The following GRM1 variants were observed in gnomAD, a reference collection of about 807,000 sequenced individuals.
The protein encoded by GRM1 is metabotropic glutamate receptor 1.
GRM1 carries 33 observed loss-of-function variants against 90.9 expected under a neutral mutation model. The observed-to-expected ratio is 0.36, with a 90% confidence interval of 0.28 to 0.49. The LOEUF (loss-of-function observed/expected upper bound fraction) is 0.49, where lower values mean the gene tolerates loss of function less well. Ranked by LOEUF, GRM1 falls within the 20% of genes least tolerant of loss-of-function variation. The pLI, the probability that GRM1 is intolerant of heterozygous loss-of-function variation, is 0.99. For missense variants in GRM1, 1,190 were observed against 1,534.3 expected (o/e 0.78, Z 3.75); for synonymous variants, 700 against 613.2 (o/e 1.14, Z -2.09).
At chr6:146,394,195 T>C (rs757859512) in intron 6 of GRM1, among the ~76,000 whole-genome samples, 2 of 152,106 alleles carry the variant, frequency 1.3e-5, no homozygotes, top group Non-Finnish European at 2.9e-5. Context: ...ATTCAGGACA[T>C]AGGCATGGGC....
At chr6:146,381,151 C>T (rs1228643657) in intron 5 of GRM1, among the ~76,000 whole-genome samples, 1 of 152,164 alleles carries the variant, frequency 6.6e-6, no homozygotes, top group Non-Finnish European at 1.5e-5. Flanking sequence ...TGTTATCTGC[C>T]CCCACCAGTC....
intron 1 of GRM1, among the ~76,000 whole-genome samples, chr6:146,057,666 T>C (rs1243116544): frequency 6.6e-6 from 1 of 152,092 alleles, no homozygotes; most frequent in Non-Finnish European, 1.5e-5. Context: ...CATAATTCTT[T>C]GGGATTTGGA....
At chr6:146,388,797 C>A (rs951334715) in intron 6 of GRM1, among the ~76,000 whole-genome samples, 1 of 152,050 alleles carries the variant, frequency 6.6e-6, no homozygotes, top group African/African-American at 2.4e-5. Flanking sequence ...CACTCTCTGG[C>A]GCATAGCCTG....
At chr6:146,131,574 GGGCAGTGATACCTCCACTCGGACAAA>G (rs1220727914) in intron 1 of GRM1, among the ~76,000 whole-genome samples, 1 of 151,932 alleles carries the variant, frequency 6.6e-6, no homozygotes, top group Non-Finnish European at 1.5e-5. Flanking sequence ...GGCTCTAGAA[GGGCAGTGATACCTCCACTCGGACAAA>G]GAGTTTGTCC....
At chr6:146,159,624 C>CTT in intron 2 of GRM1, 27 bp downstream of exon 2, 1 of 1,513,890 alleles carries the variant, frequency 6.6e-7, no homozygotes, top group Non-Finnish European at 9.1e-7. Flanking sequence ...CTCTCTCTCT[C>CTT]TCTCTCTCTC....
At position 146,255,075 on chromosome 6, in the gene GRM1, C is replaced by T. The variant is rs73783673; in HGVS notation, c.951-49536C>T. Reference sequence around the variant, plus strand: ...ACTTAAGCCTCAGCAAAACTACAACCGCCTTCTTGAAATATCATAGTTTTC... The same window carrying T: ...ACTTAAGCCTCAGCAAAACTACAACTGCCTTCTTGAAATATCATAGTTTTC... On this transcript the variant is annotated intron_variant, in intron 2 of 7. Coordinates refer to ENST00000282753, the MANE Select transcript of GRM1 (RefSeq NM_001278064.2). Among the ~76,000 whole-genome samples, 1,003 of 152,196 alleles carry T rather than the reference C, an allele frequency of 6.6e-3. 7 individuals carry two copies. The highest frequency in any genetic ancestry group is 0.022 in the African/African-American group (932 of 41,540).
chr6:146,073,891 A>T (rs1049700607), intron 1 of GRM1, among the ~76,000 whole-genome samples: 1 of 152,166 alleles, frequency 6.6e-6, no homozygotes, highest in Non-Finnish European at 1.5e-5. Context: ...TAATCAGGTA[A>T]ACGTAGAGAT....
chr6:146,056,806 G>A (rs1775497314), intron 1 of GRM1, among the ~76,000 whole-genome samples: 1 of 152,102 alleles, frequency 6.6e-6, no homozygotes, highest in African/African-American at 2.4e-5. Context: ...TCTGAGAGTT[G>A]TTTATGAACA....
rs2300630 is a variant in GRM1, at chr6:146,428,722, A to G, written c.2661-5150A>G. 1.7e-3 allele frequency among the ~76,000 whole-genome samples: 256 copies of G among 152,342 alleles called. 1 individual carries two copies. In the East Asian group the frequency reaches 0.027, roughly 16 times the overall value. On this transcript the variant is annotated intron_variant, in intron 7 of 7. Transcript: ENST00000282753. ...CTGCTAAAGCAACGCCATGGTACCA[A>G]CATGTTGTCTTAAATAGACTTTGGT...
chr6:146,359,789 A>G (rs950914182), intron 5 of GRM1, among the ~76,000 whole-genome samples: 1 of 152,168 alleles, frequency 6.6e-6, no homozygotes, highest in Non-Finnish European at 1.5e-5. Flanking sequence ...CATGCGTGTT[A>G]TCGAAGGAGA....
chr6:146,433,071 T>C (rs1483102468), intron 7 of GRM1, among the ~76,000 whole-genome samples: 2 of 152,190 alleles, frequency 1.3e-5, no homozygotes, highest in African/African-American at 4.8e-5. Flanking sequence ...ATGTGGGCAT[T>C]TGTATTTTTC....
chr6:146,046,444 C>T (rs1484386230), intron 1 of GRM1, among the ~76,000 whole-genome samples: 1 of 151,842 alleles, frequency 6.6e-6, no homozygotes, highest in Non-Finnish European at 1.5e-5. Flanking sequence ...CATTGTAGCC[C>T]AGCTTTTTCT....
intron 1 of GRM1, among the ~76,000 whole-genome samples, chr6:146,095,240 C>T (rs1237165893): frequency 6.6e-6 from 1 of 152,132 alleles, no homozygotes; most frequent in Admixed American, 6.6e-5. Context: ...TCAGGCCCCA[C>T]TTCTTCTGAT....
chr6:146,346,843 C>T (rs766729258), intron 3 of GRM1, among the ~76,000 whole-genome samples: 9 of 152,234 alleles, frequency 5.9e-5, no homozygotes, highest in Non-Finnish European at 1.2e-4. Flanking sequence ...ATATATAATT[C>T]TGTCAGGCAA....
chr6:146,173,908 C>T (rs372440996), intron 2 of GRM1, among the ~76,000 whole-genome samples: 18 of 151,950 alleles, frequency 1.2e-4, no homozygotes, highest in African/African-American at 4.4e-4. Flanking sequence ...CGCCCGCCTT[C>T]GCTTCCCAAA....
chr6:146,152,667 G>T (rs989180710), intron 1 of GRM1, among the ~76,000 whole-genome samples: 3 of 152,058 alleles, frequency 2.0e-5, no homozygotes, highest in African/African-American at 7.2e-5. Context: ...AAATGCTTAG[G>T]TGTTTATCCC....
At chr6:146,040,199 A>G (rs1182949977) in intron 1 of GRM1, among the ~76,000 whole-genome samples, 1 of 151,970 alleles carries the variant, frequency 6.6e-6, no homozygotes, top group African/African-American at 2.4e-5. Context: ...AATGGAGGAG[A>G]CAGTTTTGAT....
At chr6:146,288,117 T>C (rs1159282827) in intron 2 of GRM1, among the ~76,000 whole-genome samples, 1 of 152,160 alleles carries the variant, frequency 6.6e-6, no homozygotes, top group Admixed American at 6.5e-5. Flanking sequence ...AGGAACATGA[T>C]AGAAATGGCT....
intron 1 of GRM1, among the ~76,000 whole-genome samples, chr6:146,042,891 G>T (rs1791168250): frequency 6.6e-6 from 1 of 151,966 alleles, no homozygotes; most frequent in Admixed American, 6.6e-5. Context: ...GTGCCCATCA[G>T]AGATCAGAGC....
Sources: allele counts gnomAD v4.1 joint callset (sites outside exome capture counted in the v4.1 genomes callset), GRCh38; gene constraint gnomAD v4.1.1; transcripts MANE v1.5; gene names NCBI Gene and HGNC (gene_info 2026-07-23, HGNC 2026-07-21).